The following RUNX1 variants were observed in gnomAD, a reference collection of about 807,000 sequenced individuals.
RUNX1 encodes runt-related transcription factor 1.
Under a neutral mutation model 42.8 loss-of-function variants are expected in RUNX1, and 19 were observed. That is an observed-to-expected ratio of 0.44 (90% CI 0.31 to 0.65). RUNX1 has a LOEUF of 0.65. Ranked by LOEUF, RUNX1 falls within the 30% of genes least tolerant of loss-of-function variation. RUNX1 has a pLI of 0.07. For synonymous variants in RUNX1, 271 were observed against 289.4 expected, an observed-to-expected ratio of 0.94 and a Z score of 0.64; for missense variants, 528 against 672.0, an observed-to-expected ratio of 0.79 and a Z score of 2.37.
intron 2 of RUNX1, among the ~76,000 whole-genome samples, chr21:34,993,108 C>A (rs542535492): frequency 1.3e-5 from 2 of 152,176 alleles, no homozygotes; most frequent in South Asian, 4.1e-4. Flanking sequence ...TCGTATCTGG[C>A]GGACGCCATC....
chr21:34,929,150 G>T (rs965846123), intron 2 of RUNX1, among the ~76,000 whole-genome samples: 11 of 152,152 alleles, frequency 7.2e-5, no homozygotes, highest in African/African-American at 2.7e-4. Flanking sequence ...ATTCAGTAAT[G>T]CAAATTATTA....
At chr21:34,936,550 T>C (rs1464209026) in intron 2 of RUNX1, among the ~76,000 whole-genome samples, 2 of 152,178 alleles carry the variant, frequency 1.3e-5, no homozygotes, top group Admixed American at 6.5e-5. Context: ...AGCTGCTAAC[T>C]GTGTAAATGT....
intron 6 of RUNX1, among the ~76,000 whole-genome samples, chr21:34,845,015 G>A (rs971745862): frequency 6.6e-6 from 1 of 152,212 alleles, no homozygotes. Flanking sequence ...TGTCATGACA[G>A]CCTCATTCAG....
intron 2 of RUNX1, among the ~76,000 whole-genome samples, chr21:34,967,164 CA>C (rs554147227): frequency 2.0e-5 from 3 of 150,314 alleles, no homozygotes; most frequent in East Asian, 3.9e-4. Context: ...ACTAAAAATA[CA>C]AAAAATTAGC....
chr21:34,798,492 C>T (rs988218509), intron 8 of RUNX1, among the ~76,000 whole-genome samples: 1 of 152,144 alleles, frequency 6.6e-6, no homozygotes, highest in Non-Finnish European at 1.5e-5. Flanking sequence ...CACGCTGTTC[C>T]TCTGGCCTCT....
intron 2 of RUNX1, among the ~76,000 whole-genome samples, chr21:34,990,883 G>A (rs1338269951): frequency 1.3e-5 from 2 of 152,166 alleles, no homozygotes; most frequent in African/African-American, 4.8e-5. Context: ...GAGCCACCGT[G>A]CCCGGCTGGG....
At chr21:35,010,339 CT>C (rs980747389) in intron 2 of RUNX1, among the ~76,000 whole-genome samples, 1 of 151,914 alleles carries the variant, frequency 6.6e-6, no homozygotes, top group Admixed American at 6.6e-5. Flanking sequence ...AATTACACTC[CT>C]TTTTTTAAAA....
chr21:34,940,487 C>T (rs779222858), intron 2 of RUNX1, among the ~76,000 whole-genome samples: 16 of 152,186 alleles, frequency 1.1e-4, no homozygotes, highest in South Asian at 2.1e-4. Context: ...TCTCTGATAG[C>T]GCAATGCTCA....
chr21:34,950,854 C>T (rs2058601932), intron 2 of RUNX1, among the ~76,000 whole-genome samples: 1 of 152,222 alleles, frequency 6.6e-6, no homozygotes, highest in African/African-American at 2.4e-5. Context: ...CACAGGTGTC[C>T]ATCTCTGTGC....
intron 2 of RUNX1, among the ~76,000 whole-genome samples, chr21:35,037,510 C>T (rs1227400696): frequency 1.3e-5 from 2 of 152,340 alleles, no homozygotes; most frequent in African/African-American, 2.4e-5. Flanking sequence ...GCAAGCCTTT[C>T]GCTCTGTAAG....
chr21:34,848,036 C>A (rs960985306), intron 6 of RUNX1, among the ~76,000 whole-genome samples: 1 of 152,096 alleles, frequency 6.6e-6, no homozygotes, highest in African/African-American at 2.4e-5. Flanking sequence ...AGGGGCCTAC[C>A]CGTCTAGAGC....
chr21:35,005,499 C>T (rs754819668), intron 2 of RUNX1, among the ~76,000 whole-genome samples: 4 of 152,164 alleles, frequency 2.6e-5, no homozygotes, highest in Non-Finnish European at 5.9e-5. Context: ...TACAGCTTCT[C>T]TATTTTTAAG....
intron 6 of RUNX1, among the ~76,000 whole-genome samples, chr21:34,850,605 C>T (rs184908163): frequency 2.4e-3 from 360 of 152,274 alleles, no homozygotes; most frequent in Non-Finnish European, 3.6e-3. Flanking sequence ...GTCACCCACA[C>T]GTGACTTTTC....
intron 7 of RUNX1, among the ~76,000 whole-genome samples, chr21:34,813,669 C>A (rs2056787385): frequency 6.6e-6 from 1 of 152,136 alleles, no homozygotes; most frequent in Non-Finnish European, 1.5e-5. Context: ...TGACCGTCGG[C>A]TTTGCCATCT....
chr21:35,038,857 G>C, intron 2 of RUNX1: 1 of 405,230 alleles, frequency 2.5e-6, no homozygotes, highest in Non-Finnish European at 5.0e-6. Context: ...CCTCTGCATG[G>C]ATGTGCACAT....
chr21:34,966,241 C>T (rs370044218), intron 2 of RUNX1, among the ~76,000 whole-genome samples: 37 of 152,244 alleles, frequency 2.4e-4, no homozygotes, highest in East Asian at 1.5e-3. Flanking sequence ...TAAGTCCAAA[C>T]GTTGTTCTTT....
intron 7 of RUNX1, among the ~76,000 whole-genome samples, chr21:34,816,440 T>C (rs2056828272): frequency 7.0e-6 from 1 of 141,862 alleles, no homozygotes; most frequent in Non-Finnish European, 1.6e-5. Context: ...TGGTGGTGGT[T>C]GAGTTTTTAC....
intron 7 of RUNX1, among the ~76,000 whole-genome samples, chr21:34,804,105 TAGTG>T (rs1369296466): frequency 2.0e-5 from 3 of 152,334 alleles, no homozygotes; most frequent in Non-Finnish European, 2.9e-5. Context: ...TAGAGAATCA[TAGTG>T]AGGTCTGCTT....
intron 5 of RUNX1, among the ~76,000 whole-genome samples, chr21:34,870,009 G>A (rs570539621): frequency 6.6e-6 from 1 of 152,316 alleles, no homozygotes; most frequent in Admixed American, 6.5e-5. Flanking sequence ...GAAAAGCAGT[G>A]CTTCAAATTA....
Sources: gnomAD v4.1 joint callset for allele counts (sites outside exome capture counted in the v4.1 genomes callset) on GRCh38, gnomAD v4.1.1 for gene constraint, MANE v1.5 for transcripts, NCBI Gene and HGNC (gene_info 2026-07-23, HGNC 2026-07-21) for gene names.